PTX3: variants seen among roughly 807,000 people sequenced by gnomAD.
The protein encoded by PTX3 is pentraxin 3.
In PTX3, 24 loss-of-function variants were observed where a neutral mutation model predicts 23.5. The ratio of observed to expected loss-of-function variants is 1.02; its 90% confidence interval spans 0.74 to 1.43. The LOEUF (loss-of-function observed/expected upper bound fraction) is 1.43, where lower values mean the gene tolerates loss of function less well. PTX3 is among the 40% of genes most tolerant of loss of function. The pLI is 0.00. For synonymous variants in PTX3, 218 were observed against 205.4 expected (o/e 1.06, Z -0.53); for missense variants, 510 against 497.5 (o/e 1.02, Z -0.24).
In PTX3 at chr3:157,442,282, C is replaced by A. The variant is rs375692854; in HGVS notation, c.533-84C>A. The A allele has an allele frequency of 3.2e-6, 4 of 1,243,396 alleles. No homozygotes were observed. The East Asian group carries it at 1.0e-4, about 32-fold the overall frequency. 77.0% of individuals were successfully genotyped at this position (1,243,396 alleles called of 1,614,324 possible). The stretch of plus-strand genomic sequence containing the variant: ...GCTTTCAATTGTAATAATTAAAATT[C>A]TTATGTTAAATAACTAATGCCAGAA... On this transcript the variant is annotated intron_variant, in intron 2 of 2. Coordinates refer to ENST00000295927, the MANE Select transcript of PTX3 (RefSeq NM_002852.4).
intron 2 of PTX3, among the ~76,000 whole-genome samples, chr3:157,440,564 A>T (rs1411909245): frequency 1.3e-5 from 2 of 152,040 alleles, no homozygotes; most frequent in East Asian, 1.9e-4. Context: ...AGGTGTTTTT[A>T]AAAAAATACC....
chr3:157,439,181 G>GAAAT (rs1465517627), intron 2 of PTX3, among the ~76,000 whole-genome samples: 6 of 152,156 alleles, frequency 3.9e-5, no homozygotes, highest in African/African-American at 1.4e-4. Context: ...TTTAATGGAT[G>GAAAT]AAATGTCTTG....
chr3:157,440,696 T>A (rs1284073845), intron 2 of PTX3, among the ~76,000 whole-genome samples: 1 of 151,804 alleles, frequency 6.6e-6, no homozygotes, highest in African/African-American at 2.4e-5. Flanking sequence ...ATATATATAT[T>A]TATGTATATA....
In PTX3 at chr3:157,436,942, C is replaced by T. The variant is rs1354846984; in HGVS notation, c.9C>T (p.Leu3=). 6.2e-7 allele frequency: 1 copy of T among 1,613,596 alleles called. No homozygotes were observed. The change falls in exon 1 of 3, where the codon CTC becomes CTT. Residue 3 remains leucine, a synonymous_variant. Coordinates refer to ENST00000295927, the MANE Select transcript of PTX3 (RefSeq NM_002852.4). ...TTTGCGTCTCTCCAGCAATGCATCT[C>T]CTTGCGATTCTGTTTTGTGCTCTCT... The part of the protein sequence containing the change: MH[L]LAILFCALWS...
At position 157,437,698 on chromosome 3, in the gene PTX3, G is replaced by T. The variant is rs1376140498; in HGVS notation, c.316G>T (p.Gly106Trp). 6.5e-6 allele frequency: 10 copies of T among 1,532,366 alleles called. No individual in the cohort carries two copies. The highest frequency in any genetic ancestry group is 8.7e-6 in the Non-Finnish European group (10 of 1,144,266). 94.9% of individuals were successfully genotyped at this position (1,532,366 alleles called of 1,614,324 possible). Residue 106 changes from glycine (G) to tryptophan (W), a missense_variant, in exon 2 of 3, where the codon GGG (glycine) becomes TGG (tryptophan). Gly to Trp is a radical substitution (Grantham distance 184, BLOSUM62 -2). Coordinates refer to ENST00000295927, the MANE Select transcript of PTX3 (RefSeq NM_002852.4). ...AAGCCTGGCGAGGCCGTGCGCGCCG[G>T]GGGCTCCCGCAGAGGCCAGGCTGAC... ...AESLARPCAPGAPAEARLTSA... is the reference protein window; with the variant it reads ...AESLARPCAPWAPAEARLTSA...
rs755144885 is a variant in PTX3, at chr3:157,442,939, C to T, written c.1106C>T (p.Thr369Ile). 6.2e-7 allele frequency: 1 copy of T among 1,613,650 alleles called. No individual in the cohort carries two copies. Among genetic ancestry groups the T allele is most frequent in the East Asian group, 2.2e-5 (1 of 44,880 alleles). ...GGGAATATTGTTGGGTGGGGAGTCA[C>T]AGAGATCCAGCCACATGGAGGAGCT... is the stretch of plus-strand genomic sequence containing the variant. ...IRGNIVGWGV[T>I]EIQPHGGAQY... Residue 369 changes from threonine (T) to isoleucine (I), a missense_variant, in exon 3 of 3, where the codon ACA becomes ATA. By Grantham distance (89) the Thr-to-Ile change is moderately conservative. Transcript: ENST00000295927.
chr3:157,437,209 T>C (rs1274027307), intron 1 of PTX3, 146 bp downstream of exon 1: 1 of 1,165,348 alleles, frequency 8.6e-7, no homozygotes, highest in Admixed American at 2.2e-5. Context: ...TGAAGAAAGA[T>C]GGAGGTTTCA....
chr3:157,442,416 A>G lies in PTX3; in HGVS notation c.583A>G (p.Ser195Gly), dbSNP rs1461218138. 9.3e-6 allele frequency: 15 copies of G among 1,613,732 alleles called. No individual in the cohort carries two copies. Among genetic ancestry groups the G allele is most frequent in the African/African-American group, 1.3e-5 (1 of 74,920 alleles). The part of the protein sequence containing the change: ...FPMRSKKIFG[S>G]VHPVRPMRLE... ...AATGCGTTCCAAGAAGATTTTTGGAAGCGTGCATCCAGTGAGACCAATGAG... is the reference window on the plus strand; with the variant it reads ...AATGCGTTCCAAGAAGATTTTTGGAGGCGTGCATCCAGTGAGACCAATGAG... The change falls in exon 3 of 3, where the codon AGC becomes GGC. Residue 195 changes from serine (S) to glycine (G), a missense_variant. Ser to Gly is a moderately conservative substitution (Grantham distance 56, BLOSUM62 0). Transcript: ENST00000295927.
chr3:157,437,414 G>C (rs1434247358), intron 1 of PTX3, 99 bp from the exon 2 acceptor site: 5 of 1,410,652 alleles, frequency 3.5e-6, no homozygotes, highest in Non-Finnish European at 3.9e-6. Flanking sequence ...TGCCAGGAAC[G>C]GGCTGCAACT....
Position 157,442,366 on chromosome 3 carries a change from G to A in PTX3, c.533G>A (p.Gly178Asp), listed in dbSNP as rs763139934. The change falls in exon 3 of 3, where the codon GGT (glycine) becomes GAT (aspartate). Residue 178 changes from glycine (G) to aspartate (D), a missense_variant and splice_region_variant. Physicochemically the swap from Gly to Asp is moderately conservative, Grantham distance 94. Transcript: ENST00000295927. Reference protein sequence around the residue: ...GWAARSWLPAGCETAILFPMR... With the variant: ...GWAARSWLPADCETAILFPMR... ...TCTTCTTATTTTCTTGCTACTCTAG[G>A]TTGTGAAACAGCTATTTTATTCCCA... 1 of 1,602,410 alleles carries A rather than the reference G, an allele frequency of 6.2e-7. No individual in the cohort carries two copies. The highest frequency in any genetic ancestry group is 2.2e-5 in the East Asian group (1 of 44,662).
chr3:157,439,327 T>C (rs1733927664), intron 2 of PTX3, among the ~76,000 whole-genome samples: 1 of 152,274 alleles, frequency 6.6e-6, no homozygotes, highest in Non-Finnish European at 1.5e-5. Context: ...AAGATGTTAA[T>C]CCTTATTACA....
intron 2 of PTX3, among the ~76,000 whole-genome samples, chr3:157,441,718 G>C (rs956992404): frequency 6.6e-6 from 1 of 151,860 alleles, no homozygotes; most frequent in East Asian, 1.9e-4. Context: ...GCTGAGGCAG[G>C]AGAATCGCTT....
chr3:157,442,667 AG>A lies in PTX3; in HGVS notation c.837del (p.Leu280SerfsTer6). The A allele has an allele frequency of 6.2e-7, 1 of 1,614,206 alleles. No homozygotes were observed. The highest frequency in any genetic ancestry group is 8.5e-7 in the Non-Finnish European group (1 of 1,180,028). The stretch of plus-strand genomic sequence containing the variant: ...TGTGCGGCACCTGGAATTCAGAGGA[AG>A]GGCTCACATCCTTGTGGGTAAATGG... ...HLCGTWNSEE[G>X]LTSLWVNGEL... On this transcript the variant is annotated frameshift_variant, in exon 3 of 3. Coordinates refer to ENST00000295927, the MANE Select transcript of PTX3 (RefSeq NM_002852.4). LOFTEE classifies it high-confidence loss of function.
intron 2 of PTX3, 58 bp downstream of exon 2, chr3:157,437,972 T>TC: frequency 6.6e-7 from 1 of 1,505,662 alleles, no homozygotes; most frequent in Non-Finnish European, 8.8e-7. Context: ...GGAGCGCGCG[T>TC]AACGGCAAGC....
At position 157,437,873 on chromosome 3, in the gene PTX3, A is replaced by C; in HGVS notation, c.491A>C (p.His164Pro). Residue 164 changes from histidine (H) to proline (P), a missense_variant, in exon 2 of 3, where the codon CAC (histidine) becomes CCC (proline). Physicochemically the swap from His to Pro is moderately conservative, Grantham distance 77. Coordinates refer to ENST00000295927, the MANE Select transcript of PTX3 (RefSeq NM_002852.4). ...CTGCGGCAGACGCGAGCCGACCTGCACGCGGTGCAGGGCTGGGCTGCCCGG... is the reference window on the plus strand; with the variant it reads ...CTGCGGCAGACGCGAGCCGACCTGCCCGCGGTGCAGGGCTGGGCTGCCCGG... The part of the protein sequence containing the change: ...EELRQTRADL[H>P]AVQGWAARSW... 6.6e-7 allele frequency: 1 copy of C among 1,504,414 alleles called. No individual in the cohort carries two copies. The highest frequency in any genetic ancestry group is 8.8e-7 in the Non-Finnish European group (1 of 1,135,544). 93.2% of individuals were successfully genotyped at this position (1,504,414 alleles called of 1,614,324 possible).
At chr3:157,441,205 GA>G (rs1247352864) in intron 2 of PTX3, among the ~76,000 whole-genome samples, 5 of 152,166 alleles carry the variant, frequency 3.3e-5, no homozygotes, top group Non-Finnish European at 5.9e-5. Context: ...GTAGTGTGCT[GA>G]TTAAGGGCGT....
Position 157,442,684 on chromosome 3 carries a change from G to A in PTX3, c.851G>A (p.Trp284Ter), listed in dbSNP as rs1407120291. ...TCAGAGGAAGGGCTCACATCCTTGT[G>A]GGTAAATGGTGAACTGGCGGCTACC... The part of the protein sequence containing the change: ...WNSEEGLTSL[W>*]VNGELAATTV... The change falls in exon 3 of 3, where the codon TGG becomes TAG. Residue 284 changes from tryptophan (W) to a stop codon, truncating the protein, a stop_gained. Transcript: ENST00000295927. LOFTEE classifies it high-confidence loss of function. 1 of 1,614,080 alleles carries A rather than the reference G, an allele frequency of 6.2e-7. No homozygotes were observed. Among genetic ancestry groups the A allele is most frequent in the African/African-American group, 1.3e-5 (1 of 74,922 alleles).
At position 157,437,524 on chromosome 3, in the gene PTX3, G is replaced by T. The variant is rs1211588515; in HGVS notation, c.142G>T (p.Ala48Ser). ...LHPTEDPTPCACGQEHSEWDK... is the reference protein window; with the variant it reads ...LHPTEDPTPCSCGQEHSEWDK... ...ATCCCGTACTCTAGCCACGCCGTGC[G>T]CCTGCGGTCAGGAGCACTCGGAATG... Residue 48 changes from alanine to serine, a missense_variant, in exon 2 of 3, where the codon GCC (alanine) becomes TCC (serine). By Grantham distance (99) the Ala-to-Ser change is moderately conservative (BLOSUM62 1). Coordinates refer to ENST00000295927, the MANE Select transcript of PTX3 (RefSeq NM_002852.4). The T allele has an allele frequency of 6.2e-7, 1 of 1,605,988 alleles. No individual in the cohort carries two copies. The highest frequency in any genetic ancestry group is 1.7e-5 in the Admixed American group (1 of 59,436).
At chr3:157,440,620 A>T in intron 2 of PTX3, among the ~76,000 whole-genome samples, 1 of 152,046 alleles carries the variant, frequency 6.6e-6, no homozygotes, top group Admixed American at 6.5e-5. Context: ...TTATATACAT[A>T]TATGTATGTA....
Sources: allele counts gnomAD v4.1 joint callset (sites outside exome capture counted in the v4.1 genomes callset), GRCh38; gene constraint gnomAD v4.1.1; transcripts MANE v1.5; gene names NCBI Gene and HGNC (gene_info 2026-07-23, HGNC 2026-07-21).